The following AK9 variants were observed in gnomAD, a reference collection of about 807,000 sequenced individuals.
AK9 encodes the protein adenylate kinase domain containing 1.
A neutral mutation model predicts 239.6 loss-of-function variants in AK9; 191 were observed. The ratio of observed to expected loss-of-function variants is 0.80; its 90% CI spans 0.71 to 0.90. The LOEUF is 0.90. Ranked by LOEUF, AK9 falls within the 40% of genes least tolerant of loss-of-function variation. The pLI, the probability that AK9 is intolerant of heterozygous loss-of-function variation, is 0.00. For missense variants in AK9, 1,995 were observed against 2,214.7 expected (o/e 0.90, Z 1.99); for synonymous variants, 689 against 721.0 (o/e 0.96, Z 0.71).
intron 24 of AK9, among the ~76,000 whole-genome samples, chr6:109,561,039 C>T (rs956760223): frequency 2.6e-5 from 4 of 151,426 alleles, no homozygotes; most frequent in Non-Finnish European, 2.9e-5. Context: ...CTGCAACCTC[C>T]GGCTCCCAGG....
At chr6:109,603,661 C>T (rs1792405667) in intron 17 of AK9, among the ~76,000 whole-genome samples, 1 of 152,198 alleles carries the variant, frequency 6.6e-6, no homozygotes, top group Admixed American at 6.5e-5. Flanking sequence ...CTATGCCCTG[C>T]CCCCAGAGGT....
intron 27 of AK9, among the ~76,000 whole-genome samples, chr6:109,534,705 CA>C (rs1370766267): frequency 3.9e-5 from 6 of 152,040 alleles, no homozygotes; most frequent in African/African-American, 1.4e-4. Flanking sequence ...GTGCTGCACC[CA>C]TTAACTCGTC....
intron 21 of AK9, among the ~76,000 whole-genome samples, chr6:109,572,720 T>C (rs140466245): frequency 6.6e-6 from 1 of 152,336 alleles, no homozygotes; most frequent in African/African-American, 2.4e-5. Flanking sequence ...TGCTCCAGAC[T>C]AGCATCCAGT....
chr6:109,669,132 C>T (rs1801697935), intron 5 of AK9, among the ~76,000 whole-genome samples: 1 of 151,234 alleles, frequency 6.6e-6, no homozygotes, highest in Admixed American at 6.6e-5. Flanking sequence ...AGTTGGATTC[C>T]TAGGTATTTT....
rs548767222 is a variant in AK9, at chr6:109,567,782, A to T, written c.2345-2937T>A. Among the ~76,000 whole-genome samples the T allele has an allele frequency of 4.9e-3, 743 of 150,636 alleles. 11 individuals are homozygous for T. Among genetic ancestry groups the T allele is most frequent in the African/African-American group, 0.017 (707 of 40,890 alleles). On this transcript the variant is annotated intron_variant, in intron 21 of 40. Coordinates refer to ENST00000424296, the MANE Select transcript of AK9 (RefSeq NM_001145128.3). ...CAGCATTAGGAGATATACCTAATGC[A>T]AATGACGAGTTAATGGGTGCAGCAC... is the stretch of plus-strand genomic sequence containing the variant.
At chr6:109,612,953 C>T (rs1485725336) in intron 15 of AK9, among the ~76,000 whole-genome samples, 1 of 148,296 alleles carries the variant, frequency 6.7e-6, no homozygotes, top group African/African-American at 2.5e-5. Context: ...TATATGTGTC[C>T]TTTCAATTAT....
At chr6:109,596,404 C>A (rs1202706452) in intron 17 of AK9, among the ~76,000 whole-genome samples, 1 of 152,158 alleles carries the variant, frequency 6.6e-6, no homozygotes, top group East Asian at 1.9e-4. Context: ...AGTTCTCTGC[C>A]TGGGAAAAGA....
intron 10 of AK9, among the ~76,000 whole-genome samples, chr6:109,638,840 C>T (rs1395727373): frequency 2.6e-5 from 4 of 152,124 alleles, no homozygotes. Context: ...TGTGATGTTC[C>T]CCGCCCTGTG....
At chr6:109,662,005 GT>G (rs1186999103) in intron 6 of AK9, among the ~76,000 whole-genome samples, 1 of 152,124 alleles carries the variant, frequency 6.6e-6, no homozygotes, top group East Asian at 1.9e-4. Flanking sequence ...ATACATTCAT[GT>G]CATGTGTCTA....
chr6:109,515,482 G>A (rs543203507), intron 31 of AK9, among the ~76,000 whole-genome samples: 117 of 152,294 alleles, frequency 7.7e-4, no homozygotes, highest in Non-Finnish European at 1.8e-4. Context: ...ACTTGACAGA[G>A]TAGGTGTGAA....
intron 28 of AK9, among the ~76,000 whole-genome samples, chr6:109,530,190 T>TAAACTC (rs1781048902): frequency 6.6e-6 from 1 of 152,150 alleles, no homozygotes. Context: ...TGTAAACTGG[T>TAAACTC]CTCCCTTTAA....
At chr6:109,662,767 T>C (rs1583482623) in intron 5 of AK9, 104 bp from the exon 6 acceptor site, 2 of 454,062 alleles carry the variant, frequency 4.4e-6, no homozygotes, top group Non-Finnish European at 6.3e-6. Context: ...TACTTTATAC[T>C]CATCTATCAT....
chr6:109,661,075 T>C, intron 6 of AK9: 1 of 327,004 alleles, frequency 3.1e-6, no homozygotes, highest in East Asian at 7.7e-5. Flanking sequence ...TAAGAGCTTC[T>C]GCTCTAGAAA....
chr6:109,676,529 C>A (rs1383739130), intron 1 of AK9, among the ~76,000 whole-genome samples: 10 of 151,640 alleles, frequency 6.6e-5, no homozygotes, highest in Non-Finnish European at 1.3e-4. Flanking sequence ...TCGAATATTT[C>A]TATTATGTAA....
intron 12 of AK9, among the ~76,000 whole-genome samples, chr6:109,627,133 CTTT>C (rs71018357): frequency 9.1e-4 from 61 of 67,304 alleles, no homozygotes; most frequent in African/African-American, 2.7e-3. Context: ...GATGTTTAAG[CTTT>C]TTTTTTTTTT....
intron 8 of AK9, among the ~76,000 whole-genome samples, chr6:109,652,014 A>T (rs1175553581): frequency 6.6e-6 from 1 of 152,210 alleles, no homozygotes; most frequent in Non-Finnish European, 1.5e-5. Flanking sequence ...AAATTATTCC[A>T]ATCAATAGAA....
At chr6:109,558,448 T>A (rs1785292241) in intron 24 of AK9, among the ~76,000 whole-genome samples, 1 of 152,208 alleles carries the variant, frequency 6.6e-6, no homozygotes, top group Non-Finnish European at 1.5e-5. Context: ...TGCATATAGA[T>A]CTCCAATTGT....
At chr6:109,623,559 A>C (rs1795121890) in intron 12 of AK9, among the ~76,000 whole-genome samples, 1 of 152,132 alleles carries the variant, frequency 6.6e-6, no homozygotes, top group Admixed American at 6.5e-5. Context: ...CTGTAACCTC[A>C]TGAAAGCATT....
At chr6:109,647,964 C>A (rs1383873458) in intron 8 of AK9, among the ~76,000 whole-genome samples, 2 of 152,044 alleles carry the variant, frequency 1.3e-5, no homozygotes, top group African/African-American at 4.8e-5. Flanking sequence ...TACATGGAAA[C>A]TGAACAACCT....
Sources: allele counts gnomAD v4.1 joint callset (sites outside exome capture counted in the v4.1 genomes callset), GRCh38; gene constraint gnomAD v4.1.1; transcripts MANE v1.5; gene names NCBI Gene and HGNC (gene_info 2026-07-23, HGNC 2026-07-21).